The following PHC3 variants were observed in gnomAD, a reference collection of about 807,000 sequenced individuals.
PHC3 encodes the protein polyhomeotic homolog 3.
Under a neutral mutation model 107.4 loss-of-function variants are expected in PHC3, and 13 were observed. The observed-to-expected ratio is 0.12, with a 90% confidence interval of 0.08 to 0.19. PHC3 has a LOEUF of 0.19. PHC3 is among the 10% of genes least tolerant of loss of function. The probability of loss-of-function intolerance (pLI) is 1.00; values close to 1 mark genes in which losing one functional copy is unlikely to be tolerated. For synonymous variants in PHC3, 456 were observed against 427.4 expected (o/e 1.07, Z -0.83); for missense variants, 992 against 1,210.9 (o/e 0.82, Z 2.68).
At chr3:170,129,996 G>A (rs1721984198) in intron 7 of PHC3, among the ~76,000 whole-genome samples, 1 of 152,192 alleles carries the variant, frequency 6.6e-6, no homozygotes, top group Admixed American at 6.5e-5. Context: ...ATCACGCCTG[G>A]CCTGAATATT....
chr3:170,138,926 T>C (rs868374800), intron 6 of PHC3, among the ~76,000 whole-genome samples: 2 of 152,056 alleles, frequency 1.3e-5, no homozygotes, highest in Non-Finnish European at 2.9e-5. Context: ...CTAAATGCCA[T>C]CTTTTCTCAA....
chr3:170,089,517 G>A lies in PHC3; in HGVS notation c.*7713C>T, dbSNP rs564520182. 1 of 152,270 alleles carries A rather than the reference G, an allele frequency of 6.6e-6. No individual in the cohort carries two copies. Among genetic ancestry groups the A allele is most frequent in the South Asian group, 2.1e-4 (1 of 4,822 alleles). 9.4% of individuals were successfully genotyped at this position (152,270 alleles called of 1,614,324 possible). A position where few individuals can be genotyped will look rare whatever the true frequency, so the allele number is the denominator to read the frequency against. ...AGTTGGATATTTGTAATAGCTTAAA[G>A]TACAGTAACACTTATTTTGTGTAAT... On this transcript the variant is annotated 3_prime_UTR_variant, in exon 15 of 15. Transcript: ENST00000495893.
rs2108375637 is a variant in PHC3, at chr3:170,117,206, C to G, written c.2193+20G>C. On this transcript the variant is annotated intron_variant, in intron 10 of 14. Coordinates refer to ENST00000495893, the MANE Select transcript of PHC3 (RefSeq NM_024947.4). ...GTTATATAAATTACAAACACACACA[C>G]AAATATGCTTGCTACTTACAGGAAA... The G allele has an allele frequency of 6.2e-7, 1 of 1,613,804 alleles. No individual in the cohort carries two copies. Among genetic ancestry groups the G allele is most frequent in the Non-Finnish European group, 8.5e-7 (1 of 1,179,760 alleles).
At chr3:170,120,693 C>G (rs1203758494) in intron 9 of PHC3, among the ~76,000 whole-genome samples, 3 of 151,972 alleles carry the variant, frequency 2.0e-5, no homozygotes, top group Non-Finnish European at 4.4e-5. Flanking sequence ...TTTATGCTCT[C>G]TAGAGATTTA....
chr3:170,116,828 C>T (rs1479450259), intron 10 of PHC3, among the ~76,000 whole-genome samples: 2 of 151,692 alleles, frequency 1.3e-5, no homozygotes, highest in Non-Finnish European at 2.9e-5. Flanking sequence ...GAAGAATCAA[C>T]TGAGCCCCAG....
chr3:170,156,241 A>G lies in PHC3; in HGVS notation c.415-6997T>C, dbSNP rs561306529. Among the ~76,000 whole-genome samples, 29 of 151,926 alleles carry G rather than the reference A, an allele frequency of 1.9e-4. 1 individual carries two copies. Among genetic ancestry groups the G allele is most frequent in the Middle Eastern group, 6.8e-3 (2 of 294 alleles). On this transcript the variant is annotated intron_variant, in intron 4 of 14. Transcript: ENST00000495893. ...GCTGGGATTACAGGCATGAGCCACC[A>G]TATCCGGCCCTATGCAGAATTTTTT...
intron 11 of PHC3, among the ~76,000 whole-genome samples, chr3:170,107,944 A>G (rs1241862231): frequency 6.6e-6 from 1 of 152,180 alleles, no homozygotes; most frequent in African/African-American, 2.4e-5. Flanking sequence ...TACATTTCCC[A>G]AAGAATTGAA....
chr3:170,119,287 C>T (rs1333399353), intron 9 of PHC3, among the ~76,000 whole-genome samples: 1 of 152,012 alleles, frequency 6.6e-6, no homozygotes, highest in African/African-American at 2.4e-5. Flanking sequence ...CTATGGAGAA[C>T]TGAAACCTAA....
At chr3:170,108,116 T>A (rs1467526996) in intron 11 of PHC3, among the ~76,000 whole-genome samples, 2 of 152,148 alleles carry the variant, frequency 1.3e-5, no homozygotes, top group Middle Eastern at 3.2e-3. Flanking sequence ...CATTTTGCCA[T>A]TTTCTTGCAT....
intron 4 of PHC3, among the ~76,000 whole-genome samples, chr3:170,169,387 G>A (rs1454810849): frequency 6.6e-6 from 1 of 152,068 alleles, no homozygotes; most frequent in Non-Finnish European, 1.5e-5. Flanking sequence ...TAAGAGATCT[G>A]TTACCATGCT....
At chr3:170,170,001 T>C (rs1409347358) in intron 4 of PHC3, 1 of 152,046 alleles carries the variant, frequency 6.6e-6, no homozygotes, top group Non-Finnish European at 1.5e-5. Context: ...CATAGGGAAC[T>C]TTTTAAACTA....
intron 2 of PHC3, chr3:170,176,954 A>G (rs1340855183): frequency 2.2e-6 from 1 of 453,808 alleles, no homozygotes; most frequent in East Asian, 7.0e-5. Flanking sequence ...GAATTCAAAC[A>G]AAGTATAATA....
At position 170,126,112 on chromosome 3, in the gene PHC3, G is replaced by A. The variant is rs181984624; in HGVS notation, c.1788+2572C>T. The A allele has an allele frequency of 3.0e-5, 8 of 268,522 alleles. No homozygotes were observed. The South Asian group carries it at 4.3e-4, about 14-fold the overall frequency. 16.6% of individuals were successfully genotyped at this position (268,522 alleles called of 1,614,324 possible). On this transcript the variant is annotated intron_variant, in intron 8 of 14. Transcript: ENST00000495893. ...TCTTAAGTATCTTAAAAAACATACTGATTTTACTTTGAAAATTCACCCTTA... is the reference window on the plus strand; with the variant it reads ...TCTTAAGTATCTTAAAAAACATACTAATTTTACTTTGAAAATTCACCCTTA...
chr3:170,161,562 C>A (rs1727895983), intron 4 of PHC3, among the ~76,000 whole-genome samples: 1 of 152,210 alleles, frequency 6.6e-6, no homozygotes, highest in South Asian at 2.1e-4. Flanking sequence ...ACTGATCTGA[C>A]AGGAGGCAGA....
At chr3:170,172,804 T>C in intron 2 of PHC3, 92 bp from the exon 3 acceptor site, 2 of 1,274,564 alleles carry the variant, frequency 1.6e-6, no homozygotes, top group African/African-American at 3.0e-5. Context: ...CAGTTTAAAA[T>C]TTCACTGCTT....
chr3:170,148,663 A>G (rs911888266), intron 5 of PHC3: 1 of 153,762 alleles, frequency 6.5e-6, no homozygotes, highest in African/African-American at 2.4e-5. Context: ...CTTTAACAAC[A>G]AAGTTTTTTT....
intron 4 of PHC3, among the ~76,000 whole-genome samples, chr3:170,160,888 CAGAG>C (rs1727783240): frequency 6.6e-6 from 1 of 152,064 alleles, no homozygotes; most frequent in Non-Finnish European, 1.5e-5. Context: ...GCCTGGGTGA[CAGAG>C]GGAGACTCAG....
chr3:170,088,537 C>T lies in PHC3; in HGVS notation c.*8693G>A, dbSNP rs765318501. 1.3e-5 allele frequency: 2 copies of T among 152,096 alleles called. No individual in the cohort carries two copies. Among genetic ancestry groups the T allele is most frequent in the African/African-American group, 2.4e-5 (1 of 41,426 alleles). 9.4% of individuals were successfully genotyped at this position (152,096 alleles called of 1,614,324 possible). ...CCCTATAGGAAAAACAAAGACCAAG[C>T]TTTTGAAGGAGAGGACTGGGAATCT... On this transcript the variant is annotated 3_prime_UTR_variant, in exon 15 of 15. Transcript: ENST00000495893.
At chr3:170,143,002 T>C (rs1290509687) in intron 6 of PHC3, among the ~76,000 whole-genome samples, 1 of 151,908 alleles carries the variant, frequency 6.6e-6, no homozygotes, top group East Asian at 1.9e-4. Flanking sequence ...GGCGAAACCC[T>C]GCCTCTACAG....
Sources: gnomAD v4.1 joint callset for allele counts (sites outside exome capture counted in the v4.1 genomes callset) on GRCh38, gnomAD v4.1.1 for gene constraint, MANE v1.5 for transcripts, NCBI Gene and HGNC (gene_info 2026-07-23, HGNC 2026-07-21) for gene names.